The following MRPL10 variants were observed in gnomAD, a reference collection of about 807,000 sequenced individuals.
The protein encoded by MRPL10 is large ribosomal subunit protein uL10m.
In MRPL10, 14 loss-of-function variants were observed where a neutral mutation model predicts 19.8. That is an observed-to-expected ratio of 0.71 (90% CI 0.47 to 1.11). MRPL10 has a LOEUF of 1.11. MRPL10 is among the 50% of genes least tolerant of loss of function. The pLI, the probability that MRPL10 is intolerant of heterozygous loss-of-function variation, is 0.00. For missense variants in MRPL10, 318 were observed against 339.6 expected, an observed-to-expected ratio of 0.94 and a Z score of 0.50; for synonymous variants, 129 against 139.2, an observed-to-expected ratio of 0.93 and a Z score of 0.52.
Position 47,827,180 on chromosome 17 carries a change from G to T in MRPL10, c.247C>A (p.Arg83Ser). The change falls in exon 3 of 5, where the codon CGC (arginine) becomes AGC (serine). Residue 83 changes from arginine to serine, a missense_variant. Arg to Ser is a moderately radical substitution (Grantham distance 110, BLOSUM62 -1). Coordinates refer to ENST00000351111, the MANE Select transcript of MRPL10 (RefSeq NM_145255.4). ...TGGAAAACTGCTGCTATCTCCCGGC[G>T]GAGAAGCCTGATGAGGCCTATCTCC... Reference protein sequence around the residue: ...QEEIGLIRLLRREIAAVFQDN... With the variant: ...QEEIGLIRLLSREIAAVFQDN... 6.8e-6 allele frequency: 11 copies of T among 1,612,360 alleles called. No individual in the cohort carries two copies. The highest frequency in any genetic ancestry group is 9.3e-6 in the Non-Finnish European group (11 of 1,179,016).
At chr17:47,826,608 A>G in intron 4 of MRPL10, 29 bp downstream of exon 4, 1 of 1,611,248 alleles carries the variant, frequency 6.2e-7, no homozygotes, top group Non-Finnish European at 8.5e-7. Flanking sequence ...TCTTCACCCC[A>G]CCCCTAACTG....
At chr17:47,830,074 G>A (rs1021274215) in intron 1 of MRPL10, among the ~76,000 whole-genome samples, 2 of 152,136 alleles carry the variant, frequency 1.3e-5, no homozygotes, top group African/African-American at 2.4e-5. Context: ...GTTCTAACAA[G>A]CCCTCCTGGT....
In MRPL10 at chr17:47,824,379, C is replaced by T; in HGVS notation, c.612G>A (p.Gln204=). ...AGGTGAGGCCTCCTACAAGCTCCCC[C>T]TGCACCAGGGGCAGGCTGGGGAGCT... The part of the protein sequence containing the change: ...YSKLPSLPLV[Q]GELVGGLTCL... Residue 204 remains glutamine, a synonymous_variant, in exon 5 of 5, where the codon CAG becomes CAA. Coordinates refer to ENST00000351111, the MANE Select transcript of MRPL10 (RefSeq NM_145255.4). 2 of 1,609,080 alleles carry T rather than the reference C, an allele frequency of 1.2e-6. No individual in the cohort carries two copies. Among genetic ancestry groups the T allele is most frequent in the Non-Finnish European group, 1.7e-6 (2 of 1,176,532 alleles).
chr17:47,829,273 A>AGAAGGAAG (rs55845848), intron 1 of MRPL10: 40,952 of 143,062 alleles, frequency 0.29, 6,475 homozygotes, highest in African/African-American at 0.42. Flanking sequence ...AGAAAAAAAA[A>AGAAGGAAG]GAAGGAAGGA....
intron 1 of MRPL10, among the ~76,000 whole-genome samples, chr17:47,830,796 G>T (rs1241126544): frequency 6.6e-6 from 1 of 152,096 alleles, no homozygotes; most frequent in African/African-American, 2.4e-5. Context: ...GTGAGCCACC[G>T]CGCCCAGCCG....
At chr17:47,826,518 G>T (rs1230381948) in intron 4 of MRPL10, 119 bp downstream of exon 4, 7 of 1,273,408 alleles carry the variant, frequency 5.5e-6, no homozygotes, top group Non-Finnish European at 7.7e-6. Flanking sequence ...GTTTACTCAG[G>T]CTCCATCCGT....
chr17:47,827,187 C>G lies in MRPL10; in HGVS notation c.240G>C (p.Arg80Ser), dbSNP rs773294949. The change falls in exon 3 of 5, where the codon AGG becomes AGC. Residue 80 changes from arginine to serine, a missense_variant. Arg to Ser is a moderately radical substitution (Grantham distance 110). Coordinates refer to ENST00000351111, the MANE Select transcript of MRPL10 (RefSeq NM_145255.4). Reference sequence around the variant, plus strand: ...CTGCTGCTATCTCCCGGCGGAGAAGCCTGATGAGGCCTATCTCCTGAAGTT... The same window carrying G: ...CTGCTGCTATCTCCCGGCGGAGAAGGCTGATGAGGCCTATCTCCTGAAGTT... ...SPPQEEIGLI[R>S]LLRREIAAVF... 19 of 1,609,798 alleles carry G rather than the reference C, an allele frequency of 1.2e-5. No homozygotes were observed. The Admixed American group carries it at 1.2e-4, about 10-fold the overall frequency.
chr17:47,827,249 C>T lies in MRPL10; in HGVS notation c.223-45G>A, dbSNP rs368570214. On this transcript the variant is annotated intron_variant, in intron 2 of 4. Coordinates refer to ENST00000351111, the MANE Select transcript of MRPL10 (RefSeq NM_145255.4). ...ACCAAGGGTACATCAGCTGCCACTT[C>T]TCCTGGCAACGTTGCTCCCTCTGTG... 4.1e-5 allele frequency: 63 copies of T among 1,548,184 alleles called. 1 individual carries two copies. In the Middle Eastern group the frequency reaches 1.0e-3, roughly 26 times the overall value.
intron 4 of MRPL10, among the ~76,000 whole-genome samples, chr17:47,825,477 T>A (rs2033517752): frequency 6.6e-6 from 1 of 152,050 alleles, no homozygotes; most frequent in Non-Finnish European, 1.5e-5. Flanking sequence ...ATACAAAAAT[T>A]AGCTGGACAT....
chr17:47,824,368 A>G lies in MRPL10; in HGVS notation c.623T>C (p.Val208Ala). 6.2e-7 allele frequency: 1 copy of G among 1,612,126 alleles called. No individual in the cohort carries two copies. Among genetic ancestry groups the G allele is most frequent in the African/African-American group, 1.3e-5 (1 of 74,952 alleles). ...GGCTGTGAGGCAGGTGAGGCCTCCT[A>G]CAAGCTCCCCCTGCACCAGGGGCAG... Reference protein sequence around the residue: ...PSLPLVQGELVGGLTCLTAQT... With the variant: ...PSLPLVQGELAGGLTCLTAQT... Residue 208 changes from valine (V) to alanine (A), a missense_variant, in exon 5 of 5, where the codon GTA becomes GCA. Val to Ala is a moderately conservative substitution (Grantham distance 64). Transcript: ENST00000351111.
intron 3 of MRPL10, 35 bp from the exon 4 acceptor site, chr17:47,826,816 C>G: frequency 6.8e-6 from 11 of 1,613,234 alleles, no homozygotes; most frequent in Non-Finnish European, 9.3e-6. Context: ...TTATCGGGGA[C>G]AAGTGGGAGG....
rs773720938 is a variant in MRPL10 at position 47,831,481 on chromosome 17, C to A, written c.31G>T (p.Gly11Trp). Reference sequence around the variant, plus strand: ...TTACCCGCCTGGGGCAGGAGACCCCCTCGCAGCATCCCCGCCACGGCCGCA... The same window carrying A: ...TTACCCGCCTGGGGCAGGAGACCCCATCGCAGCATCCCCGCCACGGCCGCA... MAAAVAGMLR[G>W]GLLPQAGRLP... Residue 11 changes from glycine to tryptophan, a missense_variant, in exon 1 of 5, where the codon GGG becomes TGG. Physicochemically the swap from Gly to Trp is radical, Grantham distance 184. Transcript: ENST00000351111. 6 of 1,549,096 alleles carry A rather than the reference C, an allele frequency of 3.9e-6. No homozygotes were observed. In the Admixed American group the frequency reaches 1.2e-4, roughly 30 times the overall value.
At chr17:47,829,298 G>A (rs1417865832) in intron 1 of MRPL10, 18 of 136,432 alleles carry the variant, frequency 1.3e-4, no homozygotes, top group South Asian at 1.3e-3. Flanking sequence ...AGGAAGGAAA[G>A]AGAGAGAGAG....
At chr17:47,825,437 T>A (rs1036894143) in intron 4 of MRPL10, among the ~76,000 whole-genome samples, 1 of 152,198 alleles carries the variant, frequency 6.6e-6, no homozygotes, top group Non-Finnish European at 1.5e-5. Context: ...AAGACAAGCC[T>A]GGGCAACATG....
rs371756423 is a variant in MRPL10 at position 47,826,008 on chromosome 17, G to A, written c.532+629C>T. 5.3e-5 allele frequency among the ~76,000 whole-genome samples: 8 copies of A among 151,770 alleles called. No homozygotes were observed. The East Asian group carries it at 7.8e-4, about 15-fold the overall frequency. On this transcript the variant is annotated intron_variant, in intron 4 of 4. Transcript: ENST00000351111. ...ACGAAAAAAAAAAAATTAGCTGGGC[G>A]TGGTGGCAGGTGCCTGTAATCCCAG... is the stretch of plus-strand genomic sequence containing the variant.
chr17:47,829,535 G>T (rs996200601), intron 1 of MRPL10: 1 of 152,162 alleles, frequency 6.6e-6, no homozygotes, highest in African/African-American at 2.4e-5. Context: ...CTAATCTAGT[G>T]GCTCTCAAGG....
intron 1 of MRPL10, chr17:47,829,201 T>A (rs1204742114): frequency 6.6e-6 from 1 of 151,978 alleles, no homozygotes; most frequent in African/African-American, 2.5e-5. Flanking sequence ...GAGGTGGAGG[T>A]TGCAGTGAGC....
chr17:47,827,894 CAAAAAAA>C (rs60303077), intron 2 of MRPL10, among the ~76,000 whole-genome samples: 15 of 45,712 alleles, frequency 3.3e-4, no homozygotes, highest in Admixed American at 7.8e-4. Context: ...CTCTGTCTCA[CAAAAAAA>C]AAAAAAAAAA....
At chr17:47,824,545 A>G (rs1301687332) in intron 4 of MRPL10, 87 bp from the exon 5 acceptor site, 5 of 1,456,426 alleles carry the variant, frequency 3.4e-6, no homozygotes, top group Non-Finnish European at 3.6e-6. Flanking sequence ...CTTGCTCTCC[A>G]TTGCCCTTCT....
Sources: gnomAD v4.1 joint callset for allele counts (sites outside exome capture counted in the v4.1 genomes callset) on GRCh38, gnomAD v4.1.1 for gene constraint, MANE v1.5 for transcripts, NCBI Gene and HGNC (gene_info 2026-07-23, HGNC 2026-07-21) for gene names.